GPR137B: variants seen among roughly 807,000 people sequenced by gnomAD.
GPR137B encodes the protein integral membrane protein GPR137B.
GPR137B carries 42 observed loss-of-function variants against 42.5 expected under a neutral mutation model. That is an observed-to-expected ratio of 0.99 (90% CI 0.77 to 1.28). The LOEUF is 1.28. Ranked by LOEUF, GPR137B falls within the 50% of genes most tolerant of loss-of-function variation. The pLI is 0.00. For synonymous variants in GPR137B, 218 were observed against 209.7 expected (o/e 1.04, Z -0.34); for missense variants, 487 against 493.9 (o/e 0.99, Z 0.13).
intron 1 of GPR137B, among the ~76,000 whole-genome samples, chr1:236,151,717 C>T (rs1200014159): frequency 3.3e-5 from 5 of 152,084 alleles, no homozygotes; most frequent in African/African-American, 4.8e-5. Flanking sequence ...CCACTGCGCC[C>T]GGCCTCCCTC....
intron 5 of GPR137B, among the ~76,000 whole-genome samples, chr1:236,187,412 A>G (rs534898976): frequency 1.1e-4 from 16 of 152,238 alleles, no homozygotes; most frequent in Middle Eastern, 3.4e-3. Context: ...GCCCATGCCT[A>G]TGTCCTGAAT....
intron 1 of GPR137B, among the ~76,000 whole-genome samples, chr1:236,149,067 C>T (rs1661762687): frequency 6.6e-6 from 1 of 152,198 alleles, no homozygotes; most frequent in South Asian, 2.1e-4. Flanking sequence ...GTGTTGCCTA[C>T]AGCTCTGAAC....
intron 1 of GPR137B, among the ~76,000 whole-genome samples, chr1:236,161,052 C>A (rs1480714186): frequency 1.3e-5 from 2 of 152,100 alleles, no homozygotes; most frequent in African/African-American, 4.8e-5. Context: ...CAGAAGGAAC[C>A]CCGTGCCTCT....
chr1:236,207,276 A>C (rs1174455799), intron 6 of GPR137B: 22 of 985,260 alleles, frequency 2.2e-5, no homozygotes, highest in Non-Finnish European at 2.5e-5. Context: ...GCAGATGTAA[A>C]GAACGTAAGC....
Position 236,161,522 on chromosome 1 carries a change from G to A in GPR137B, c.415-7184G>A, listed in dbSNP as rs541076646. Reference sequence around the variant, plus strand: ...ACGCCTCCCACTCACACCTTCTCACGCCTCCCACATCTCCACACGCTTTTC... The same window carrying A: ...ACGCCTCCCACTCACACCTTCTCACACCTCCCACATCTCCACACGCTTTTC... On this transcript the variant is annotated intron_variant, in intron 1 of 6. Coordinates refer to ENST00000366592, the MANE Select transcript of GPR137B (RefSeq NM_003272.4). 1.5e-4 allele frequency among the ~76,000 whole-genome samples: 23 copies of A among 151,916 alleles called. No homozygotes were observed. The East Asian group carries it at 1.7e-3, about 12-fold the overall frequency.
At chr1:236,168,484 A>C (rs896773361) in intron 1 of GPR137B, among the ~76,000 whole-genome samples, 1 of 152,106 alleles carries the variant, frequency 6.6e-6, no homozygotes, top group Admixed American at 6.6e-5. Flanking sequence ...CTAGTAATAC[A>C]TTTAGTTTTG....
intron 5 of GPR137B, among the ~76,000 whole-genome samples, chr1:236,202,848 AG>A (rs1292736573): frequency 1.3e-5 from 2 of 152,192 alleles, no homozygotes; most frequent in Non-Finnish European, 2.9e-5. Context: ...TTGAGGTCTT[AG>A]GTTTAAGTCT....
chr1:236,145,297 C>T (rs1661652522), intron 1 of GPR137B, among the ~76,000 whole-genome samples: 1 of 152,314 alleles, frequency 6.6e-6, no homozygotes, highest in Admixed American at 6.5e-5. Context: ...ATTGGAATTA[C>T]CTAAAGTGGG....
intron 1 of GPR137B, among the ~76,000 whole-genome samples, chr1:236,165,057 A>G (rs1004799672): frequency 1.3e-4 from 20 of 152,150 alleles, no homozygotes; most frequent in Non-Finnish European, 2.8e-4. Flanking sequence ...GGTGCCTGCC[A>G]CCACACCCAG....
chr1:236,183,193 A>G (rs1053517256), intron 4 of GPR137B, among the ~76,000 whole-genome samples: 1 of 152,134 alleles, frequency 6.6e-6, no homozygotes. Flanking sequence ...GGCTCTGTGG[A>G]TTGTTTTTCT....
At position 236,148,788 on chromosome 1, in the gene GPR137B, A is replaced by G. The variant is rs574442132; in HGVS notation, c.414+5752A>G. On this transcript the variant is annotated intron_variant, in intron 1 of 6. Coordinates refer to ENST00000366592, the MANE Select transcript of GPR137B (RefSeq NM_003272.4). ...GGCTCATAGTCGGTGTTGGGAGCTC[A>G]TCATGGGCACTAGGCCAGCAAAGCC... Among the ~76,000 whole-genome samples, 90 of 152,178 alleles carry G rather than the reference A, an allele frequency of 5.9e-4. No homozygotes were observed. The South Asian group carries it at 9.5e-3, about 16-fold the overall frequency.
At chr1:236,163,931 C>T (rs1452274347) in intron 1 of GPR137B, among the ~76,000 whole-genome samples, 2 of 149,446 alleles carry the variant, frequency 1.3e-5, no homozygotes, top group Non-Finnish European at 3.0e-5. Flanking sequence ...ACACTTTTCA[C>T]ATCTCCTCCC....
At chr1:236,203,056 T>C (rs1663542228) in intron 5 of GPR137B, among the ~76,000 whole-genome samples, 1 of 151,984 alleles carries the variant, frequency 6.6e-6, no homozygotes, top group Admixed American at 6.6e-5. Flanking sequence ...GTTCTATTGG[T>C]CTATGTGTCT....
intron 3 of GPR137B, 138 bp from the exon 4 acceptor site, chr1:236,179,739 ACT>A (rs1249859828): frequency 1.7e-6 from 1 of 596,346 alleles, no homozygotes; most frequent in Admixed American, 2.8e-5. Context: ...TGTGAAAAGG[ACT>A]CTGATGGAAG....
rs769541595 is a variant in GPR137B, at chr1:236,201,445, A to C, written c.967-3681A>C. Among the ~76,000 whole-genome samples the C allele has an allele frequency of 1.3e-4, 20 of 152,096 alleles. No homozygotes were observed. The Middle Eastern group carries it at 0.01, about 78-fold the overall frequency. On this transcript the variant is annotated intron_variant, in intron 5 of 6. Transcript: ENST00000366592. ...TGTTTGGCCATTTGACATAATCACA[A>C]ATTTATTGGAGGCTCTGTTCATTTT...
At chr1:236,194,140 G>A (rs1458912280) in intron 5 of GPR137B, among the ~76,000 whole-genome samples, 2 of 152,150 alleles carry the variant, frequency 1.3e-5, no homozygotes, top group African/African-American at 2.4e-5. Context: ...TCAGCCATGC[G>A]ATCATAGGGG....
chr1:236,161,074 C>T lies in GPR137B; in HGVS notation c.415-7632C>T, dbSNP rs114322077. Among the ~76,000 whole-genome samples the T allele has an allele frequency of 1.6e-3, 238 of 152,216 alleles. 2 individuals are homozygous for T. The highest frequency in any genetic ancestry group is 5.3e-3 in the African/African-American group (222 of 41,520). ...AACCCCGTGCCTCTTAGTGGTCACC[C>T]TCCAATTCCCCGCCACGCCCTCCAG... is the stretch of plus-strand genomic sequence containing the variant. On this transcript the variant is annotated intron_variant, in intron 1 of 6. Transcript: ENST00000366592.
rs1276590157 is a variant in GPR137B at position 236,142,984 on chromosome 1, C to G, written c.362C>G (p.Pro121Arg). The change falls in exon 1 of 7, where the codon CCT (proline) becomes CGT (arginine). Residue 121 changes from proline to arginine, a missense_variant. Transcript: ENST00000366592. ...PFVFWLLYCFPVCLQFFTLTL... is the reference protein window; with the variant it reads ...PFVFWLLYCFRVCLQFFTLTL... ...GTCTTCTGGCTGCTCTACTGCTTCC[C>G]TGTGTGCCTGCAGTTTTTCACCCTC... 2 of 1,613,924 alleles carry G rather than the reference C, an allele frequency of 1.2e-6. No homozygotes were observed. Among genetic ancestry groups the G allele is most frequent in the Non-Finnish European group, 1.7e-6 (2 of 1,179,880 alleles).
intron 1 of GPR137B, among the ~76,000 whole-genome samples, chr1:236,162,652 G>A (rs1179857178): frequency 2.6e-5 from 4 of 152,228 alleles, no homozygotes; most frequent in South Asian, 2.1e-4. Context: ...AGGGGCCAAC[G>A]TAGAGCTCGG....
Sources: allele counts gnomAD v4.1 joint callset (sites outside exome capture counted in the v4.1 genomes callset), GRCh38; gene constraint gnomAD v4.1.1; transcripts MANE v1.5; gene names NCBI Gene and HGNC (gene_info 2026-07-23, HGNC 2026-07-21).